C10orf143: variants seen among roughly 807,000 people sequenced by gnomAD.
The protein encoded by C10orf143 is uncharacterized protein C10orf143.
At chr10:130,109,238 T>C (rs1861717680) in intron 1 of C10orf143, among the ~76,000 whole-genome samples, 1 of 152,210 alleles carries the variant, frequency 6.6e-6, no homozygotes, top group Admixed American at 6.5e-5. Flanking sequence ...GGCAGTGAAG[T>C]AAGGTCTCAA....
chr10:130,066,476 G>A (rs1845439244), intron 3 of C10orf143: 1 of 151,688 alleles, frequency 6.6e-6, no homozygotes, highest in African/African-American at 2.4e-5. Flanking sequence ...TTATAGGTGT[G>A]AACCAACGCA....
chr10:130,054,469 G>A (rs1197296917), intron 3 of C10orf143, among the ~76,000 whole-genome samples: 1 of 152,214 alleles, frequency 6.6e-6, no homozygotes, highest in Non-Finnish European at 1.5e-5. Context: ...TGTGAATAGT[G>A]CTACAATGAA....
chr10:130,068,196 C>T (rs916558243), intron 3 of C10orf143: 1 of 152,268 alleles, frequency 6.6e-6, no homozygotes, highest in Non-Finnish European at 1.5e-5. Context: ...GGCTGGCCTC[C>T]TGTGCAGATG....
At chr10:130,042,030 T>C (rs1369821745) in intron 3 of C10orf143, among the ~76,000 whole-genome samples, 1 of 152,072 alleles carries the variant, frequency 6.6e-6, no homozygotes, top group East Asian at 1.9e-4. Flanking sequence ...CGTTCATACA[T>C]ACCCAAATAT....
intron 3 of C10orf143, among the ~76,000 whole-genome samples, chr10:130,058,344 C>T (rs1184948): frequency 0.6 from 90,515 of 151,982 alleles, 27,280 homozygotes; most frequent in Admixed American, 0.67. Context: ...TGGGCCTCTC[C>T]TCTTAGTACA....
intron 2 of C10orf143, 33 bp from the exon 3 acceptor site, chr10:130,079,661 G>A: frequency 2.5e-6 from 1 of 399,016 alleles, no homozygotes; most frequent in Non-Finnish European, 4.4e-6. Context: ...AGATATATCA[G>A]AACAATGATT....
At chr10:130,077,042 C>T (rs562866432) in intron 3 of C10orf143, among the ~76,000 whole-genome samples, 3 of 152,214 alleles carry the variant, frequency 2.0e-5, no homozygotes, top group Admixed American at 6.5e-5. Context: ...TACGAGGTGA[C>T]GGTCCTAAAT....
chr10:130,106,077 A>C, intron 1 of C10orf143: 1 of 590,690 alleles, frequency 1.7e-6, no homozygotes, highest in Non-Finnish European at 3.3e-6. Flanking sequence ...CCTCAGCGGT[A>C]CTTGGGGCTG....
intron 3 of C10orf143, among the ~76,000 whole-genome samples, chr10:130,045,604 G>A (rs1433310006): frequency 1.3e-5 from 2 of 152,212 alleles, no homozygotes; most frequent in African/African-American, 4.8e-5. Context: ...TCTGTTCTCT[G>A]GCATTTTCGT....
intron 3 of C10orf143, among the ~76,000 whole-genome samples, 153 bp from the exon 4 acceptor site, chr10:130,064,536 A>G (rs2134744827): frequency 6.6e-6 from 1 of 152,194 alleles, no homozygotes; most frequent in South Asian, 2.1e-4. Flanking sequence ...GTTTATAGAT[A>G]TATTAATATA....
At chr10:130,070,724 T>C (rs1437125138) in intron 3 of C10orf143, among the ~76,000 whole-genome samples, 1 of 152,216 alleles carries the variant, frequency 6.6e-6, no homozygotes, top group Non-Finnish European at 1.5e-5. Flanking sequence ...ATGCTTAAAA[T>C]TGTATCTAGA....
intron 1 of C10orf143, among the ~76,000 whole-genome samples, chr10:130,105,458 C>T (rs965428333): frequency 6.6e-6 from 1 of 152,078 alleles, no homozygotes; most frequent in East Asian, 1.9e-4. Context: ...AGGATGGGCA[C>T]GGTGTCTCAC....
chr10:130,103,504 T>G (rs1861592300), intron 1 of C10orf143, among the ~76,000 whole-genome samples: 1 of 151,712 alleles, frequency 6.6e-6, no homozygotes. Flanking sequence ...AGTAAATAAA[T>G]ACATACACAC....
chr10:130,109,954 A>T (rs369135060), intron 1 of C10orf143, among the ~76,000 whole-genome samples: 1 of 152,276 alleles, frequency 6.6e-6, no homozygotes, highest in South Asian at 2.1e-4. Flanking sequence ...ATTTGCAAGC[A>T]GAGGTGGAAG....
At chr10:130,095,336 A>G (rs558985173) in intron 1 of C10orf143, among the ~76,000 whole-genome samples, 33 of 152,380 alleles carry the variant, frequency 2.2e-4, no homozygotes, top group African/African-American at 7.9e-4. Flanking sequence ...ATGGAAAGGA[A>G]TAATCAATAT....
intron 3 of C10orf143, among the ~76,000 whole-genome samples, chr10:130,050,169 T>C (rs1295962248): frequency 1.3e-5 from 2 of 152,242 alleles, no homozygotes; most frequent in Non-Finnish European, 2.9e-5. Context: ...TGCAGGCGCA[T>C]GACTGAGAAG....
At chr10:130,107,493 G>A (rs777144959) in intron 1 of C10orf143, 1 of 1,409,378 alleles carries the variant, frequency 7.1e-7, no homozygotes, top group South Asian at 1.2e-5. Flanking sequence ...GCTCACAACA[G>A]ACAAAAATTA....
Position 130,056,445 on chromosome 10 carries a change from T to A in C10orf143, c.298-20475A>T. On this transcript the variant is annotated intron_variant and NMD_transcript_variant, in intron 3 of 5. Coordinates refer to the C10orf143 transcript ENST00000643056. The surrounding 1 kb of genome is among the most constrained non-coding windows in gnomAD (Gnocchi z 4.6). ...TTCAGTGAATACCCCAGGACCTTCA[T>A]GTGGGTGACTGAGAACTCATACTTG... is the stretch of plus-strand genomic sequence containing the variant. 6.6e-6 allele frequency among the ~76,000 whole-genome samples: 1 copy of A among 152,310 alleles called. No individual in the cohort carries two copies. The highest frequency in any genetic ancestry group is 6.5e-5 in the Admixed American group (1 of 15,304).
intron 1 of C10orf143, among the ~76,000 whole-genome samples, chr10:130,081,361 G>A (rs559613244): frequency 3.3e-5 from 5 of 152,208 alleles, no homozygotes; most frequent in Non-Finnish European, 7.4e-5. Flanking sequence ...AACACGGTTA[G>A]AAACATACTA....
Sources: gnomAD v4.1 joint callset for allele counts (sites outside exome capture counted in the v4.1 genomes callset) on GRCh38, gnomAD v4.1.1 for gene constraint, Gnocchi (gnomAD v3.1) non-coding constraint, MANE v1.5 for transcripts, NCBI Gene and HGNC (gene_info 2026-07-23, HGNC 2026-07-21) for gene names.